Variants in VEGFC observed in about 807,000 individuals in gnomAD.
VEGFC encodes FLT4 ligand DHM.
In VEGFC, 12 loss-of-function variants were observed where a neutral mutation model predicts 46.1. That is an observed-to-expected ratio of 0.26 (90% CI 0.17 to 0.42). The LOEUF (loss-of-function observed/expected upper bound fraction) is 0.42. VEGFC is among the 10% of genes least tolerant of loss of function. The probability of loss-of-function intolerance (pLI) is 1.00; values close to 1 mark genes in which losing one functional copy is unlikely to be tolerated. For missense variants in VEGFC, 488 were observed against 529.4 expected, an observed-to-expected ratio of 0.92 and a Z score of 0.77; for synonymous variants, 232 against 195.5, an observed-to-expected ratio of 1.19 and a Z score of -1.56.
At chr4:176,707,460 T>C (rs17063609) in intron 4 of VEGFC, among the ~76,000 whole-genome samples, 106,711 of 152,026 alleles carry the variant, frequency 0.7, 43,351 homozygotes, top group East Asian at 0.94. Flanking sequence ...TATTGAATTG[T>C]GGGCCATAAT....
intron 1 of VEGFC, among the ~76,000 whole-genome samples, chr4:176,777,493 T>C (rs988608742): frequency 4.6e-5 from 7 of 152,258 alleles, no homozygotes; most frequent in African/African-American, 1.7e-4. Context: ...TCTTATAGAA[T>C]TGGAATTTTA....
At chr4:176,786,144 G>A (rs1047645731) in intron 1 of VEGFC, among the ~76,000 whole-genome samples, 7 of 152,084 alleles carry the variant, frequency 4.6e-5, no homozygotes, top group African/African-American at 1.7e-4. Flanking sequence ...AGAAGCTTCT[G>A]GTCAGCTTTC....
At chr4:176,693,383 G>A (rs1734247047) in intron 4 of VEGFC, among the ~76,000 whole-genome samples, 1 of 136,548 alleles carries the variant, frequency 7.3e-6, no homozygotes, top group South Asian at 2.2e-4. Context: ...ATCAGCAATG[G>A]AAGATGAAAT....
In VEGFC at chr4:176,687,192, T is replaced by G. The variant is rs1734056095; in HGVS notation, c.1140A>C (p.Thr380=). 1 of 1,610,328 alleles carries G rather than the reference T, an allele frequency of 6.2e-7. No individual in the cohort carries two copies. The highest frequency in any genetic ancestry group is 1.3e-5 in the African/African-American group (1 of 74,444). Residue 380 remains threonine (T), a synonymous_variant, in exon 6 of 7, where the codon ACA becomes ACC. Coordinates refer to ENST00000618562, the MANE Select transcript of VEGFC (RefSeq NM_005429.5). Reference sequence around the variant, plus strand: ...TCTTCATGAGGATCTCTTACCTGCATGTTTGGTGGTGGAACTTCTTTCCTT... The same window carrying G: ...TCTTCATGAGGATCTCTTACCTGCAGGTTTGGTGGTGGAACTTCTTTCCTT... ...LLKGKKFHHQ[T]CSCYRRPCTN...
At chr4:176,730,833 C>T (rs1330784048) in intron 1 of VEGFC, among the ~76,000 whole-genome samples, 2 of 151,936 alleles carry the variant, frequency 1.3e-5, no homozygotes, top group African/African-American at 4.8e-5. Context: ...TTTTAATAAT[C>T]GAAGTTATTC....
Position 176,705,359 on chromosome 4 carries a change from A to C in VEGFC, c.704+6140T>G, listed in dbSNP as rs543753195. ...ATGAGAGGAAATAATTGGAAAAAAT[A>C]ATCTGTGAGAACACCAATATGAAAA... On this transcript the variant is annotated intron_variant, in intron 4 of 6. Transcript: ENST00000618562. Among the ~76,000 whole-genome samples the C allele has an allele frequency of 5.9e-5, 9 of 152,268 alleles. No individual in the cohort carries two copies. In the South Asian group the frequency reaches 1.9e-3, roughly 32 times the overall value.
intron 4 of VEGFC, among the ~76,000 whole-genome samples, chr4:176,710,161 T>C (rs1476711461): frequency 6.6e-6 from 1 of 152,156 alleles, no homozygotes; most frequent in African/African-American, 2.4e-5. Context: ...TTAGATAAAA[T>C]ATTATAAGTC....
rs769601876 is a variant in VEGFC at position 176,687,210 on chromosome 4, C to A, written c.1122G>T (p.Lys374Asn). 6 of 1,612,442 alleles carry A rather than the reference C, an allele frequency of 3.7e-6. No individual in the cohort carries two copies. In the African/African-American group the frequency reaches 4.0e-5, roughly 11 times the overall value. The change falls in exon 6 of 7, where the codon AAG (lysine) becomes AAT (asparagine). Residue 374 changes from lysine to asparagine, a missense_variant. Lys to Asn is a moderately conservative substitution (Grantham distance 94). Transcript: ENST00000618562. Reference sequence around the variant, plus strand: ...ACCTGCATGTTTGGTGGTGGAACTTCTTTCCTTTTAACAAGCATTTCTGTG... The same window carrying A: ...ACCTGCATGTTTGGTGGTGGAACTTATTTCCTTTTAACAAGCATTTCTGTG... Reference protein sequence around the residue: ...ESPQKCLLKGKKFHHQTCSCY... With the variant: ...ESPQKCLLKGNKFHHQTCSCY...
chr4:176,757,882 C>A (rs1167757336), intron 1 of VEGFC, among the ~76,000 whole-genome samples: 1 of 151,972 alleles, frequency 6.6e-6, no homozygotes, highest in Non-Finnish European at 1.5e-5. Context: ...TATAGATTTA[C>A]CATGTTTTGG....
At chr4:176,767,830 G>A (rs1735653583) in intron 1 of VEGFC, among the ~76,000 whole-genome samples, 1 of 152,090 alleles carries the variant, frequency 6.6e-6, no homozygotes, top group African/African-American at 2.4e-5. Context: ...ATACACTCTA[G>A]GGAGGTGAAG....
chr4:176,768,112 A>T (rs1395122132), intron 1 of VEGFC, among the ~76,000 whole-genome samples: 1 of 152,174 alleles, frequency 6.6e-6, no homozygotes, highest in South Asian at 2.1e-4. Flanking sequence ...AGCAAATTTG[A>T]TCAGAAACGG....
In VEGFC at chr4:176,727,898, A is replaced by G. The variant is rs1471925989; in HGVS notation, c.432T>C (p.Phe144=). The G allele has an allele frequency of 5.6e-6, 9 of 1,613,954 alleles. No homozygotes were observed. Among genetic ancestry groups the G allele is most frequent in the Non-Finnish European group, 7.6e-6 (9 of 1,179,914 alleles). ...TAAAGAAGGTGTTTGTCGCGACTCC[A>G]AACTCCTTCCCCACATCTATACACA... The part of the protein sequence containing the change: ...REVCIDVGKE[F]GVATNTFFKP... Residue 144 remains phenylalanine, a synonymous_variant, in exon 3 of 7, where the codon TTT becomes TTC. Coordinates refer to ENST00000618562, the MANE Select transcript of VEGFC (RefSeq NM_005429.5).
chr4:176,710,181 G>GTTAGAT (rs1734597912), intron 4 of VEGFC, among the ~76,000 whole-genome samples: 1 of 152,120 alleles, frequency 6.6e-6, no homozygotes, highest in African/African-American at 2.4e-5. Context: ...CAAAAATATG[G>GTTAGAT]TTAGATCTTC....
intron 4 of VEGFC, among the ~76,000 whole-genome samples, chr4:176,694,482 A>C (rs2110976290): frequency 6.6e-6 from 1 of 151,548 alleles, no homozygotes; most frequent in African/African-American, 2.4e-5. Flanking sequence ...TCATAAAGCA[A>C]GTCCTGAGTG....
intron 4 of VEGFC, among the ~76,000 whole-genome samples, chr4:176,704,832 C>G (rs1259353672): frequency 6.6e-6 from 1 of 152,176 alleles, no homozygotes; most frequent in Admixed American, 6.5e-5. Flanking sequence ...ACTCATGTAT[C>G]CCCTCTCTAC....
intron 1 of VEGFC, among the ~76,000 whole-genome samples, chr4:176,787,946 G>C (rs376507565): frequency 6.6e-6 from 1 of 152,120 alleles, no homozygotes. Context: ...ATATGTGTTT[G>C]TAACAAAAGG....
chr4:176,731,822 ATTATTT>A (rs1734970077), intron 1 of VEGFC, among the ~76,000 whole-genome samples: 2 of 152,060 alleles, frequency 1.3e-5, no homozygotes, highest in Non-Finnish European at 2.9e-5. Context: ...TCAATTAAGT[ATTATTT>A]GAAGTTTTAA....
chr4:176,697,133 T>C (rs1347550694), intron 4 of VEGFC, among the ~76,000 whole-genome samples: 1 of 151,844 alleles, frequency 6.6e-6, no homozygotes, highest in East Asian at 1.9e-4. Context: ...AATTGATAAA[T>C]GGGATCTAAT....
At chr4:176,751,591 T>C (rs1400444074) in intron 1 of VEGFC, among the ~76,000 whole-genome samples, 1 of 151,766 alleles carries the variant, frequency 6.6e-6, no homozygotes, top group Non-Finnish European at 1.5e-5. Flanking sequence ...TTTCTACATA[T>C]ATATTAAAGC....
Sources: gnomAD v4.1 joint callset for allele counts (sites outside exome capture counted in the v4.1 genomes callset) on GRCh38, gnomAD v4.1.1 for gene constraint, MANE v1.5 for transcripts, NCBI Gene and HGNC (gene_info 2026-07-23, HGNC 2026-07-21) for gene names.